Variants in ZSCAN25 observed in about 807,000 individuals in gnomAD.
ZSCAN25 encodes zinc finger and SCAN domain containing 25.
ZSCAN25 carries 27 observed loss-of-function variants against 38.7 expected under a neutral mutation model. That is an observed-to-expected ratio of 0.70 (90% CI 0.51 to 0.96). The LOEUF (loss-of-function observed/expected upper bound fraction) is 0.96, where lower values mean the gene tolerates loss of function less well. Among genes scored for constraint, ZSCAN25 ranks in the 40% least tolerant of loss-of-function variants. ZSCAN25 has a pLI of 0.00. For synonymous variants in ZSCAN25, 273 were observed against 277.7 expected (o/e 0.98, Z 0.17); for missense variants, 637 against 705.9 (o/e 0.90, Z 1.11).
chr7:99,679,973 T>A, the ZSCAN25 span: 1 of 1,306,432 alleles, frequency 7.7e-7, no homozygotes, highest in Non-Finnish European at 1.1e-6. Flanking sequence ...GCTGTTTGCC[T>A]GGAGCTTCCC....
At chr7:99,621,007 C>G (rs1224788356) in intron 4 of ZSCAN25, 1 of 158,482 alleles carries the variant, frequency 6.3e-6, no homozygotes, top group African/African-American at 2.4e-5. Flanking sequence ...GGCCTGTTCA[C>G]TGCAGGGTCT....
At chr7:99,676,309 A>G in the ZSCAN25 span, 6 of 1,582,632 alleles carry the variant, frequency 3.8e-6, no homozygotes, top group Non-Finnish European at 4.3e-6. Flanking sequence ...GAGGGAGGTA[A>G]TATGTACACG....
chr7:99,710,160 G>T, the ZSCAN25 span, among the ~76,000 whole-genome samples: 27 of 152,304 alleles, frequency 1.8e-4, no homozygotes, highest in South Asian at 1.9e-3. Flanking sequence ...CCAAGTTTTG[G>T]CAGAGGTCTG....
rs760276962 is a variant in ZSCAN25 at position 99,621,444 on chromosome 7, G to A, written c.459G>A (p.Gln153=). ...GAGGCGCTTGGGAGCCAGGCATCCA[G>A]CTGGGGCCAGTGGAGGTCAAGCCTG... ...LCRGAWEPGI[Q]LGPVEVKPEW... is the part of the protein sequence containing the mutation. The change falls in exon 5 of 8, where the codon CAG becomes CAA. Residue 153 remains glutamine (Q), a synonymous_variant. Coordinates refer to ENST00000394152, the MANE Select transcript of ZSCAN25 (RefSeq NM_145115.3). The A allele has an allele frequency of 1.8e-5, 28 of 1,553,204 alleles. No homozygotes were observed. Among genetic ancestry groups the A allele is most frequent in the Non-Finnish European group, 2.1e-5 (24 of 1,144,842 alleles).
chr7:99,665,256 C>G, the ZSCAN25 span: 9 of 1,613,974 alleles, frequency 5.6e-6, no homozygotes, highest in Non-Finnish European at 7.6e-6. Context: ...TTGAGAGAGT[C>G]GATGTTCACT....
At chr7:99,705,469 T>C in the ZSCAN25 span, 1 of 1,610,896 alleles carries the variant, frequency 6.2e-7, no homozygotes, top group Non-Finnish European at 8.5e-7. Context: ...CACAGCTTTC[T>C]TAAAGAGCAA....
At chr7:99,710,624 A>G in the ZSCAN25 span, 1 of 1,574,212 alleles carries the variant, frequency 6.4e-7, no homozygotes, top group African/African-American at 1.4e-5. Flanking sequence ...ATTGTGAATG[A>G]AACAATCATG....
At chr7:99,731,587 C>T in the ZSCAN25 span, among the ~76,000 whole-genome samples, 1 of 152,150 alleles carries the variant, frequency 6.6e-6, no homozygotes, top group Non-Finnish European at 1.5e-5. Flanking sequence ...TGAGATTTTG[C>T]ATCACTGCAT....
chr7:99,668,641 A>G, the ZSCAN25 span, among the ~76,000 whole-genome samples: 4 of 152,252 alleles, frequency 2.6e-5, no homozygotes, highest in Non-Finnish European at 5.9e-5. Context: ...TTCAGCAAGA[A>G]GAAATTAAAA....
the ZSCAN25 span, chr7:99,730,872 T>G: frequency 1.5e-6 from 1 of 688,942 alleles, no homozygotes; most frequent in Non-Finnish European, 2.3e-6. Context: ...GAGGCAAACT[T>G]GAGGTTCCTG....
the ZSCAN25 span, among the ~76,000 whole-genome samples, chr7:99,727,548 C>T: frequency 2.0e-5 from 3 of 152,268 alleles, no homozygotes; most frequent in Admixed American, 1.3e-4. Flanking sequence ...CTGTATCTCT[C>T]TGATCCATCT....
the ZSCAN25 span, chr7:99,673,015 T>A: frequency 2.6e-6 from 1 of 389,390 alleles, no homozygotes. Context: ...CCTATGCCAC[T>A]CTCCATAATG....
the ZSCAN25 span, among the ~76,000 whole-genome samples, chr7:99,721,652 T>C: frequency 6.6e-6 from 1 of 152,208 alleles, no homozygotes; most frequent in African/African-American, 2.4e-5. Context: ...CCTCAACACC[T>C]GGTGACATAT....
At chr7:99,705,161 G>T in the ZSCAN25 span, 1 of 252,366 alleles carries the variant, frequency 4.0e-6, no homozygotes, top group South Asian at 5.6e-5. Context: ...TTTTATTAAT[G>T]ATTGTGGTTG....
the ZSCAN25 span, chr7:99,720,216 C>T: frequency 6.3e-4 from 934 of 1,482,688 alleles, 12 homozygotes; most frequent in East Asian, 0.022. Flanking sequence ...AACCTTCCTG[C>T]ACAGTTTTTA....
the ZSCAN25 span, chr7:99,648,451 G>A: frequency 1.7e-6 from 2 of 1,168,804 alleles, no homozygotes; most frequent in Admixed American, 2.2e-5. Flanking sequence ...AGTGAAAGAA[G>A]AAAAGATGGA....
chr7:99,716,963 A>G, the ZSCAN25 span, among the ~76,000 whole-genome samples: 5 of 152,196 alleles, frequency 3.3e-5, no homozygotes, highest in African/African-American at 9.6e-5. Context: ...GTAAACCCTG[A>G]CCTCTGTGCA....
the ZSCAN25 span, among the ~76,000 whole-genome samples, chr7:99,642,978 G>C: frequency 5.1e-3 from 773 of 152,228 alleles, 8 homozygotes; most frequent in African/African-American, 0.017. Context: ...GACCACATAG[G>C]AGATATTATT....
At chr7:99,686,915 A>G in the ZSCAN25 span, among the ~76,000 whole-genome samples, 1 of 152,244 alleles carries the variant, frequency 6.6e-6, no homozygotes, top group South Asian at 2.1e-4. Context: ...CCAGGCAAAC[A>G]GGGTCTGGAG....
Sources: allele counts gnomAD v4.1 joint callset (sites outside exome capture counted in the v4.1 genomes callset), GRCh38; gene constraint gnomAD v4.1.1; transcripts MANE v1.5; gene names NCBI Gene and HGNC (gene_info 2026-07-23, HGNC 2026-07-21).